The following FYN variants were observed in gnomAD, a reference collection of about 807,000 sequenced individuals.
FYN encodes the protein FYN proto-oncogene, Src family tyrosine kinase.
FYN carries 10 observed loss-of-function variants against 70.2 expected under a neutral mutation model. That is an observed-to-expected ratio of 0.14 (90% confidence interval 0.09 to 0.24). The LOEUF (loss-of-function observed/expected upper bound fraction) is 0.24, where lower values mean the gene tolerates loss of function less well. Among genes scored for constraint, FYN ranks in the 10% least tolerant of loss-of-function variants. The pLI, the probability that FYN is intolerant of heterozygous loss-of-function variation, is 1.00. For synonymous variants in FYN, 236 were observed against 248.6 expected, an observed-to-expected ratio of 0.95 and a Z score of 0.48; for missense variants, 319 against 673.1, an observed-to-expected ratio of 0.47 and a Z score of 5.82.
intron 3 of FYN, among the ~76,000 whole-genome samples, chr6:111,774,872 C>T (rs1246146127): frequency 1.3e-5 from 2 of 152,126 alleles, no homozygotes; most frequent in East Asian, 1.9e-4. Flanking sequence ...GCGTGTGCCA[C>T]CACATCCGGC....
At chr6:111,792,536 C>G (rs1411083292) in intron 2 of FYN, among the ~76,000 whole-genome samples, 2 of 152,208 alleles carry the variant, frequency 1.3e-5, no homozygotes, top group Non-Finnish European at 2.9e-5. Flanking sequence ...AGTACTATCT[C>G]TAACAGCCCC....
At chr6:111,748,845 G>A (rs896302711) in intron 3 of FYN, among the ~76,000 whole-genome samples, 5 of 151,660 alleles carry the variant, frequency 3.3e-5, no homozygotes, top group African/African-American at 7.3e-5. Flanking sequence ...GTGGCTACTC[G>A]GTAATTTAAA....
chr6:111,668,274 G>A (rs1798100732), intron 13 of FYN, among the ~76,000 whole-genome samples: 2 of 152,196 alleles, frequency 1.3e-5, no homozygotes, highest in Non-Finnish European at 2.9e-5. Context: ...GCAGGGAGAT[G>A]CTGATGGAAG....
chr6:111,792,095 CCA>C (rs1771644568), intron 2 of FYN, among the ~76,000 whole-genome samples: 1 of 152,078 alleles, frequency 6.6e-6, no homozygotes, highest in Non-Finnish European at 1.5e-5. Flanking sequence ...CAAAGGGAAG[CCA>C]CAGAGTGGAG....
At chr6:111,788,408 C>T (rs934696364) in intron 2 of FYN, among the ~76,000 whole-genome samples, 6 of 152,180 alleles carry the variant, frequency 3.9e-5, no homozygotes, top group Non-Finnish European at 8.8e-5. Context: ...TCCAATTCTT[C>T]CTCTAGCATG....
intron 12 of FYN, among the ~76,000 whole-genome samples, chr6:111,686,163 TC>T (rs1421987205): frequency 6.6e-6 from 1 of 151,970 alleles, no homozygotes; most frequent in Admixed American, 6.6e-5. Context: ...TTTGACCTGC[TC>T]CCCCTAACTA....
chr6:111,772,699 G>C (rs1803496762), intron 3 of FYN, among the ~76,000 whole-genome samples: 1 of 152,230 alleles, frequency 6.6e-6, no homozygotes, highest in Non-Finnish European at 1.5e-5. Flanking sequence ...AAACAATGCT[G>C]TGAAGAAGCA....
intron 2 of FYN, among the ~76,000 whole-genome samples, chr6:111,822,325 T>C (rs1372872639): frequency 6.6e-6 from 1 of 152,164 alleles, no homozygotes; most frequent in South Asian, 2.1e-4. Context: ...TTCATGTCCT[T>C]TGTAGGGACA....
chr6:111,869,689 C>T (rs1774214144), intron 1 of FYN, among the ~76,000 whole-genome samples: 1 of 152,194 alleles, frequency 6.6e-6, no homozygotes, highest in African/African-American at 2.4e-5. Context: ...CTGCAACATC[C>T]AGAAGGAGTG....
In FYN at chr6:111,682,005, A is replaced by T. The variant is rs1266467122; in HGVS notation, c.1274-7375T>A. 2.0e-5 allele frequency among the ~76,000 whole-genome samples: 3 copies of T among 152,322 alleles called. No individual in the cohort carries two copies. The East Asian group carries it at 5.8e-4, about 29-fold the overall frequency. On this transcript the variant is annotated intron_variant, in intron 12 of 13. Coordinates refer to ENST00000354650, the MANE Select transcript of FYN (RefSeq NM_002037.5). Reference sequence around the variant, plus strand: ...TTACTAGTTCTTTCATAAGTTATTTAAAAAATCTCCTTAAATAGAATGCAA... The same window carrying T: ...TTACTAGTTCTTTCATAAGTTATTTTAAAAATCTCCTTAAATAGAATGCAA...
intron 2 of FYN, among the ~76,000 whole-genome samples, chr6:111,815,983 AGCCACCAT>A (rs1479744211): frequency 6.6e-6 from 1 of 152,164 alleles, no homozygotes; most frequent in Non-Finnish European, 1.5e-5. Context: ...AACAAGTGTG[AGCCACCAT>A]GCCTGGCATA....
chr6:111,784,437 C>T (rs944378364), intron 2 of FYN, among the ~76,000 whole-genome samples: 2 of 152,198 alleles, frequency 1.3e-5, no homozygotes, highest in African/African-American at 4.8e-5. Context: ...TTGAGAAACT[C>T]GTTTTGCTCA....
At chr6:111,664,988 G>C (rs1454369038) in intron 13 of FYN, among the ~76,000 whole-genome samples, 1 of 152,198 alleles carries the variant, frequency 6.6e-6, no homozygotes, top group Non-Finnish European at 1.5e-5. Context: ...ATGTACCTCT[G>C]CAACAATAAC....
rs1352015601 is a variant in FYN, at chr6:111,873,183, G to C, written c.-338C>G. The C allele has an allele frequency of 1.4e-5, 2 of 147,454 alleles. No individual in the cohort carries two copies. The highest frequency in any genetic ancestry group is 4.9e-5 in the African/African-American group (2 of 40,600). The allele number at this position is 147,454 out of a possible 1,614,324, so 9.1% of individuals were successfully genotyped here. ...GCCGGGCGGTGCGGCGCGGGCGGCGGCTTTGTGTGCGCCCGGGCGGTCCTC... is the reference window on the plus strand; with the variant it reads ...GCCGGGCGGTGCGGCGCGGGCGGCGCCTTTGTGTGCGCCCGGGCGGTCCTC... On this transcript the variant is annotated 5_prime_UTR_variant, in exon 1 of 14. Transcript: ENST00000354650.
intron 2 of FYN, among the ~76,000 whole-genome samples, chr6:111,785,641 CA>C (rs1771339502): frequency 6.6e-6 from 1 of 151,970 alleles, no homozygotes. Flanking sequence ...TAGTGGGTGG[CA>C]AAGACAGGAA....
chr6:111,757,944 C>T (rs1032176178), intron 3 of FYN, among the ~76,000 whole-genome samples: 6 of 152,010 alleles, frequency 3.9e-5, no homozygotes, highest in African/African-American at 2.4e-5. Flanking sequence ...GAGGGGTTGA[C>T]TTATTACCAT....
At position 111,812,517 on chromosome 6, in the gene FYN, C is replaced by T. The variant is rs146542674; in HGVS notation, c.-81-31882G>A. Among the ~76,000 whole-genome samples the T allele has an allele frequency of 2.8e-4, 42 of 149,488 alleles. No individual in the cohort carries two copies. In the East Asian group the frequency reaches 8.3e-3, roughly 30 times the overall value. On this transcript the variant is annotated intron_variant, in intron 2 of 13. Transcript: ENST00000354650. ...GTTTGGGGAGAAATGGCTAGAAATA[C>T]TTTAGTTGTATACTTAGAAACCAAA...
At position 111,720,065 on chromosome 6, in the gene FYN, G is replaced by C. The variant is rs747244997; in HGVS notation, c.-11-3C>G. On this transcript the variant is annotated splice_polypyrimidine_tract_variant and splice_region_variant and intron_variant, in intron 3 of 13. Transcript: ENST00000354650. ...CACACAGCCCATTATCTAAATTCCT[G>C]CCAAAGACAAAAAAGGGGGCACGTA... The C allele has an allele frequency of 1.3e-6, 2 of 1,571,162 alleles. No homozygotes were observed. Among genetic ancestry groups the C allele is most frequent in the Non-Finnish European group, 1.7e-6 (2 of 1,154,574 alleles).
intron 2 of FYN, among the ~76,000 whole-genome samples, chr6:111,790,789 G>A (rs571217755): frequency 3.7e-4 from 56 of 152,126 alleles, no homozygotes; most frequent in African/African-American, 1.3e-3. Flanking sequence ...CTCTCTCTTG[G>A]CTTTTTATTT....
Sources: allele counts gnomAD v4.1 joint callset (sites outside exome capture counted in the v4.1 genomes callset), GRCh38; gene constraint gnomAD v4.1.1; transcripts MANE v1.5; gene names NCBI Gene and HGNC (gene_info 2026-07-23, HGNC 2026-07-21).